FBXO10: variants seen among roughly 807,000 people sequenced by gnomAD.
FBXO10 encodes F-box only protein 10.
A neutral mutation model predicts 80.7 loss-of-function variants in FBXO10; 39 were observed. The observed-to-expected ratio is 0.48, with a 90% CI of 0.37 to 0.63. The LOEUF is 0.63. Ranked by LOEUF, FBXO10 falls within the 30% of genes least tolerant of loss-of-function variation. FBXO10 has a pLI of 0.00. For synonymous variants in FBXO10, 449 were observed against 489.6 expected (o/e 0.92, Z 1.09); for missense variants, 1,025 against 1,269.0 (o/e 0.81, Z 2.92).
chr9:37,536,581 G>A (rs1821771652), intron 3 of FBXO10, among the ~76,000 whole-genome samples: 1 of 152,156 alleles, frequency 6.6e-6, no homozygotes, highest in African/African-American at 2.4e-5. Context: ...CCCACCGCAT[G>A]GTTGAATTCA....
intron 1 of FBXO10, among the ~76,000 whole-genome samples, chr9:37,549,868 G>T (rs1035023116): frequency 3.9e-5 from 6 of 152,162 alleles, no homozygotes; most frequent in Non-Finnish European, 8.8e-5. Context: ...CCACATTTCT[G>T]GTTGTCTCTT....
chr9:37,573,130 A>G (rs1285529284), intron 1 of FBXO10, among the ~76,000 whole-genome samples: 1 of 152,120 alleles, frequency 6.6e-6, no homozygotes, highest in East Asian at 1.9e-4. Context: ...AACCCTGGAG[A>G]GTATGTGGAA....
At chr9:37,512,812 G>A (rs1022445655) in intron 10 of FBXO10, 91 bp from the exon 11 acceptor site, 4 of 1,265,190 alleles carry the variant, frequency 3.2e-6, no homozygotes, top group African/African-American at 3.0e-5. Context: ...GTTCCAGATC[G>A]GTGGATCCAG....
At chr9:37,551,174 C>A (rs951808042) in intron 1 of FBXO10, among the ~76,000 whole-genome samples, 8 of 152,246 alleles carry the variant, frequency 5.3e-5, no homozygotes, top group African/African-American at 1.9e-4. Flanking sequence ...CAATAATCTT[C>A]TTCGACTCCA....
In FBXO10 at chr9:37,512,265, C is replaced by T. The variant is rs1821075097; in HGVS notation, c.*282G>A. 1 of 291,756 alleles carries T rather than the reference C, an allele frequency of 3.4e-6. No homozygotes were observed. Among genetic ancestry groups the T allele is most frequent in the East Asian group, 6.4e-5 (1 of 15,594 alleles). The allele number at this position is 291,756 out of a possible 1,614,324, so 18.1% of individuals were successfully genotyped here. On this transcript the variant is annotated 3_prime_UTR_variant, in exon 11 of 11. Coordinates refer to ENST00000432825, the MANE Select transcript of FBXO10 (RefSeq NM_012166.3). Reference sequence around the variant, plus strand: ...CTTAGAACTCAGAGAAAATCCTGACCAAAAGCTTCAGCATTTGAGCTTCCC... The same window carrying T: ...CTTAGAACTCAGAGAAAATCCTGACTAAAAGCTTCAGCATTTGAGCTTCCC...
intron 7 of FBXO10, chr9:37,522,416 C>G: frequency 3.9e-6 from 4 of 1,027,518 alleles, no homozygotes; most frequent in Non-Finnish European, 4.7e-6. Context: ...AAGGCTCTGC[C>G]CAAAGTCACT....
chr9:37,542,769 G>A (rs1821958490), intron 1 of FBXO10, among the ~76,000 whole-genome samples: 1 of 152,186 alleles, frequency 6.6e-6, no homozygotes, highest in Admixed American at 6.5e-5. Flanking sequence ...TCTTAAAGAT[G>A]TCTTGGAATC....
intron 8 of FBXO10, among the ~76,000 whole-genome samples, chr9:37,518,858 G>T (rs1255502719): frequency 6.6e-6 from 1 of 151,636 alleles, no homozygotes; most frequent in Non-Finnish European, 1.5e-5. Context: ...GTTTTGCTTT[G>T]CTCTCCTTCC....
intron 1 of FBXO10, among the ~76,000 whole-genome samples, chr9:37,545,168 T>G (rs573026359): frequency 1.4e-5 from 2 of 140,068 alleles, no homozygotes; most frequent in South Asian, 2.3e-4. Flanking sequence ...AGTTATACAT[T>G]CTCAGGCTTT....
chr9:37,521,425 T>C, intron 8 of FBXO10, 144 bp downstream of exon 8: 6 of 1,063,842 alleles, frequency 5.6e-6, no homozygotes, highest in Non-Finnish European at 7.6e-6. Flanking sequence ...GTGTGTGATT[T>C]TTCTGCCCTA....
At chr9:37,543,104 G>A (rs1162555410) in intron 1 of FBXO10, among the ~76,000 whole-genome samples, 1 of 152,224 alleles carries the variant, frequency 6.6e-6, no homozygotes, top group African/African-American at 2.4e-5. Context: ...TGAGTCAGAT[G>A]CTGTGGGTTT....
chr9:37,543,375 A>G (rs1201460838), intron 1 of FBXO10, among the ~76,000 whole-genome samples: 1 of 152,220 alleles, frequency 6.6e-6, no homozygotes, highest in Non-Finnish European at 1.5e-5. Flanking sequence ...CCAGGAGAAC[A>G]GGAGTTGCAA....
At chr9:37,524,557 T>G (rs1219683348) in intron 6 of FBXO10, among the ~76,000 whole-genome samples, 1 of 152,194 alleles carries the variant, frequency 6.6e-6, no homozygotes, top group Non-Finnish European at 1.5e-5. Context: ...ATGTACCAGA[T>G]GGACTTGACC....
chr9:37,552,829 G>A (rs78399949), intron 1 of FBXO10, among the ~76,000 whole-genome samples: 8,625 of 152,238 alleles, frequency 0.057, 301 homozygotes, highest in South Asian at 0.14. Flanking sequence ...AAAAGCAAGA[G>A]GGATGAAAAT....
rs1179643167 is a variant in FBXO10, at chr9:37,521,629, G to A, written c.2140C>T (p.Pro714Ser). 26 of 1,613,806 alleles carry A rather than the reference G, an allele frequency of 1.6e-5. No homozygotes were observed. Among genetic ancestry groups the A allele is most frequent in the Admixed American group, 6.7e-5 (4 of 59,988 alleles). ...GCTATGGTGATGGGCCGGCGCAGTG[G>A]GTCGTCCTCCTTCTCCAGCTCTGTC... Reference protein sequence around the residue: ...WETELEKEDDPLRRPITIALV... With the variant: ...WETELEKEDDSLRRPITIALV... Residue 714 changes from proline to serine, a missense_variant, in exon 8 of 11, where the codon CCA becomes TCA. This residue lies in a region of FBXO10 where 478 missense variants were observed against 667.8 expected (regional missense o/e 0.72). Coordinates refer to ENST00000432825, the MANE Select transcript of FBXO10 (RefSeq NM_012166.3).
chr9:37,538,044 C>T, intron 2 of FBXO10, 101 bp from the exon 3 acceptor site: 1 of 884,036 alleles, frequency 1.1e-6, no homozygotes, highest in Non-Finnish European at 1.8e-6. Flanking sequence ...GCCATTTGTT[C>T]TGCTGATCAT....
At chr9:37,524,148 C>T (rs2119072240) in intron 6 of FBXO10, among the ~76,000 whole-genome samples, 1 of 152,288 alleles carries the variant, frequency 6.6e-6, no homozygotes, top group African/African-American at 2.4e-5. Context: ...TCACAGGCGG[C>T]CCTACACGGA....
chr9:37,525,454 G>A (rs1320871128), intron 5 of FBXO10, among the ~76,000 whole-genome samples: 1 of 152,134 alleles, frequency 6.6e-6, no homozygotes, highest in African/African-American at 2.4e-5. Context: ...GGGACAGCTT[G>A]ACCAAAAACT....
chr9:37,519,342 A>C (rs1471609194), intron 8 of FBXO10, among the ~76,000 whole-genome samples: 3 of 152,230 alleles, frequency 2.0e-5, no homozygotes. Context: ...ACTTAGAGAC[A>C]CTAGGTACAT....
Sources: allele counts gnomAD v4.1 joint callset (sites outside exome capture counted in the v4.1 genomes callset), GRCh38; gene constraint gnomAD v4.1.1; regional missense constraint gnomAD v4.1.1; transcripts MANE v1.5; gene names NCBI Gene and HGNC (gene_info 2026-07-23, HGNC 2026-07-21).